AKAP12: variants seen among roughly 807,000 people sequenced by gnomAD.
The protein encoded by AKAP12 is A-kinase anchor protein 12.
In AKAP12, 32 loss-of-function variants were observed where a neutral mutation model predicts 79.9. That is an observed-to-expected ratio of 0.40 (90% CI 0.30 to 0.54). The LOEUF (loss-of-function observed/expected upper bound fraction) is 0.54, where lower values mean the gene tolerates loss of function less well. Ranked by LOEUF, AKAP12 falls within the 20% of genes least tolerant of loss-of-function variation. AKAP12 has a pLI of 0.48. For missense variants in AKAP12, 2,074 were observed against 2,177.0 expected, an observed-to-expected ratio of 0.95 and a Z score of 0.94; for synonymous variants, 808 against 857.0, an observed-to-expected ratio of 0.94 and a Z score of 1.00.
intron 2 of AKAP12, among the ~76,000 whole-genome samples, chr6:151,284,524 G>C (rs893890083): frequency 2.0e-5 from 3 of 152,076 alleles, no homozygotes; most frequent in African/African-American, 7.2e-5. Flanking sequence ...GCTACTTGGG[G>C]GGCTGAGGCT....
In AKAP12 at chr6:151,240,637, C is replaced by G; in HGVS notation, c.75C>G (p.Pro25=). The change falls in exon 2 of 5, where the codon CCC becomes CCG. Residue 25 remains proline, a synonymous_variant. Transcript: ENST00000402676. ...AGGGGAGCTCCACGCCGGCTGAGCC[C>G]GAGCCCAGCGGCGGCGGCCCCTCGG... ...PPEGSSTPAE[P]EPSGGGPSAE... 7.4e-7 allele frequency: 1 copy of G among 1,356,078 alleles called. No homozygotes were observed. The highest frequency in any genetic ancestry group is 9.5e-7 in the Non-Finnish European group (1 of 1,058,154). The allele number at this position is 1,356,078 out of a possible 1,614,324, so 84.0% of individuals were successfully genotyped here.
chr6:151,297,688 C>G (rs1002811723), intron 2 of AKAP12, among the ~76,000 whole-genome samples: 4 of 152,036 alleles, frequency 2.6e-5, no homozygotes, highest in Non-Finnish European at 5.9e-5. Flanking sequence ...GAGGTGCAGC[C>G]CCGTGTGAAT....
intron 2 of AKAP12, among the ~76,000 whole-genome samples, chr6:151,244,187 G>T (rs909179444): frequency 2.0e-5 from 3 of 152,142 alleles, no homozygotes; most frequent in African/African-American, 7.2e-5. Context: ...AGAGTCCGTT[G>T]TCTGACTGGT....
intron 2 of AKAP12, 132 bp from the exon 3 acceptor site, chr6:151,305,615 C>A (rs1218250422): frequency 2.2e-6 from 2 of 894,532 alleles, no homozygotes; most frequent in Non-Finnish European, 3.3e-6. Context: ...AGACTTAACT[C>A]TTCATTGTTT....
At chr6:151,300,668 T>TA (rs1311994495) in intron 2 of AKAP12, among the ~76,000 whole-genome samples, 9 of 152,088 alleles carry the variant, frequency 5.9e-5, no homozygotes, top group Non-Finnish European at 1.0e-4. Flanking sequence ...TTGTTGTTCT[T>TA]ACAGAAATGA....
intron 2 of AKAP12, among the ~76,000 whole-genome samples, chr6:151,257,193 C>T (rs901705297): frequency 6.6e-6 from 1 of 152,132 alleles, no homozygotes; most frequent in Non-Finnish European, 1.5e-5. Context: ...AGTTTTTCAA[C>T]TCTTGCCCCC....
chr6:151,352,392 A>G lies in AKAP12; in HGVS notation c.4001A>G (p.Glu1334Gly), dbSNP rs374754660. 1 of 1,614,084 alleles carries G rather than the reference A, an allele frequency of 6.2e-7. No individual in the cohort carries two copies. The highest frequency in any genetic ancestry group is 1.3e-5 in the African/African-American group (1 of 75,046). The change falls in exon 4 of 5, where the codon GAG becomes GGG. Residue 1334 changes from glutamate (E) to glycine (G), a missense_variant. By Grantham distance (98) the Glu-to-Gly change is moderately conservative. Coordinates refer to ENST00000402676, the MANE Select transcript of AKAP12 (RefSeq NM_005100.4). ...SHAKSPPSPVEREMVVQVERE... is the reference protein window; with the variant it reads ...SHAKSPPSPVGREMVVQVERE... ...GCTAAGTCTCCTCCATCCCCCGTGG[A>G]GAGAGAGATGGTAGTTCAAGTCGAA...
chr6:151,344,888 G>A (rs994365275), intron 3 of AKAP12, among the ~76,000 whole-genome samples: 72 of 152,108 alleles, frequency 4.7e-4, no homozygotes, highest in Non-Finnish European at 1.9e-4. Flanking sequence ...CAAATAAGTA[G>A]TATGATGGCA....
rs200866309 is a variant in AKAP12 at position 151,352,866 on chromosome 6, C to T, written c.4475C>T (p.Thr1492Ile). Reference sequence around the variant, plus strand: ...ACACCAGTGATAGTATCTGCTACTACCAAGAAAGGCTTAAGTTCCGACCTG... The same window carrying T: ...ACACCAGTGATAGTATCTGCTACTATCAAGAAAGGCTTAAGTTCCGACCTG... ...KSTPVIVSAT[T>I]KKGLSSDLEG... is the part of the protein sequence containing the mutation. The change falls in exon 4 of 5, where the codon ACC becomes ATC. Residue 1492 changes from threonine (T) to isoleucine (I), a missense_variant. Thr to Ile is a moderately conservative substitution (Grantham distance 89). This residue lies in a region of AKAP12 where 614 missense variants were observed against 665.6 expected (regional missense o/e 0.92). Transcript: ENST00000402676. The T allele has an allele frequency of 2.5e-6, 4 of 1,614,160 alleles. No homozygotes were observed. The Admixed American group carries it at 5.0e-5, about 20-fold the overall frequency.
intron 3 of AKAP12, among the ~76,000 whole-genome samples, chr6:151,308,838 C>T (rs1047690633): frequency 3.3e-5 from 5 of 152,008 alleles, no homozygotes; most frequent in African/African-American, 9.7e-5. Context: ...AGCATTTTTC[C>T]GTGCTTTTGA....
rs1403837591 is a variant in AKAP12 at position 151,353,726 on chromosome 6, CT to C, written c.5337del (p.Thr1780GlnfsTer9). 4 of 1,585,028 alleles carry C rather than the reference CT, an allele frequency of 2.5e-6. No homozygotes were observed. Among genetic ancestry groups the C allele is most frequent in the Non-Finnish European group, 3.4e-6 (4 of 1,167,658 alleles). ...KQERESAKSE[L>X]TES ...AGAGAGAGAATCTGCAAAGTCAGAA[CT>C]TACAGAATCTTAAAACATCATGCAG... is the stretch of plus-strand genomic sequence containing the variant. On this transcript the variant is annotated frameshift_variant, in exon 4 of 5. Coordinates refer to ENST00000402676, the MANE Select transcript of AKAP12 (RefSeq NM_005100.4). LOFTEE classifies it low-confidence loss of function (END_TRUNC).
chr6:151,353,124 C>T lies in AKAP12; in HGVS notation c.4733C>T (p.Thr1578Ile), dbSNP rs1778345848. The T allele has an allele frequency of 1.2e-6, 2 of 1,614,172 alleles. No homozygotes were observed. Among genetic ancestry groups the T allele is most frequent in the African/African-American group, 2.7e-5 (2 of 75,052 alleles). Residue 1578 changes from threonine to isoleucine, a missense_variant, in exon 4 of 5, where the codon ACA becomes ATA. Around this residue, in one of 3 missense-constraint regions of AKAP12, gnomAD observed 614 missense variants for 665.6 expected, o/e 0.92. Transcript: ENST00000402676. Reference protein sequence around the residue: ...ATEMLTSELQTQAHVIKADSQ... With the variant: ...ATEMLTSELQIQAHVIKADSQ... ...GAAATGTTGACGTCTGAGTTACAGA[C>T]ACAAGCTCACGTGATAAAAGCTGAC...
intron 3 of AKAP12, among the ~76,000 whole-genome samples, chr6:151,329,606 C>T (rs1777618087): frequency 1.3e-5 from 2 of 152,130 alleles, no homozygotes; most frequent in South Asian, 4.1e-4. Flanking sequence ...CTTTCCGATG[C>T]AAATAATTTT....
At chr6:151,243,020 G>A (rs1797007952) in intron 2 of AKAP12, among the ~76,000 whole-genome samples, 1 of 152,210 alleles carries the variant, frequency 6.6e-6, no homozygotes, top group African/African-American at 2.4e-5. Flanking sequence ...AGGCAAGTCA[G>A]TCTGTTCGGT....
chr6:151,241,762 G>A (rs1796981072), intron 2 of AKAP12, among the ~76,000 whole-genome samples: 3 of 151,172 alleles, frequency 2.0e-5, no homozygotes, highest in Admixed American at 1.3e-4. Context: ...TTAAATTTGC[G>A]GTATGTCAAA....
chr6:151,325,271 G>A lies in AKAP12; in HGVS notation c.319+19368G>A, dbSNP rs958440762. The A allele has an allele frequency of 2.3e-5, 23 of 985,326 alleles. No individual in the cohort carries two copies. In the Admixed American group the frequency reaches 2.5e-4, roughly 11 times the overall value. 61.0% of individuals were successfully genotyped at this position (985,326 alleles called of 1,614,324 possible). On this transcript the variant is annotated intron_variant, in intron 3 of 4. Coordinates refer to ENST00000402676, the MANE Select transcript of AKAP12 (RefSeq NM_005100.4). ...ACCTTTAAACAAACATAAGGATGCA[G>A]AATGCAGTCTTTAAAATGGAGGGAG...
At chr6:151,301,079 A>G (rs7756252) in intron 2 of AKAP12, among the ~76,000 whole-genome samples, 129,471 of 152,180 alleles carry the variant, frequency 0.85, 55,302 homozygotes, top group South Asian at 0.92. Flanking sequence ...AAGTCCCAGT[A>G]TTACTTTCCT....
In AKAP12 at chr6:151,240,454, G is replaced by A. The variant is rs1796948456; in HGVS notation, c.-109G>A. 1.2e-5 allele frequency: 14 copies of A among 1,215,176 alleles called. No homozygotes were observed. The highest frequency in any genetic ancestry group is 1.6e-5 in the African/African-American group (1 of 62,998). 75.3% of individuals were successfully genotyped at this position (1,215,176 alleles called of 1,614,324 possible). ...TCGCAGTCGGCTGGCGGCGAAGGAA[G>A]GCGCTCTCGGGACCTCGCGGGCGCG... On this transcript the variant is annotated 5_prime_UTR_variant, in exon 2 of 5. Coordinates refer to ENST00000402676, the MANE Select transcript of AKAP12 (RefSeq NM_005100.4).
At chr6:151,249,182 A>G (rs1797130884) in intron 2 of AKAP12, among the ~76,000 whole-genome samples, 3 of 152,180 alleles carry the variant, frequency 2.0e-5, no homozygotes, top group Non-Finnish European at 2.9e-5. Flanking sequence ...GTGCTGAATA[A>G]GTAGACAGTA....
Sources: allele counts gnomAD v4.1 joint callset (sites outside exome capture counted in the v4.1 genomes callset), GRCh38; gene constraint gnomAD v4.1.1; regional missense constraint gnomAD v4.1.1; transcripts MANE v1.5; gene names NCBI Gene and HGNC (gene_info 2026-07-23, HGNC 2026-07-21).